The following TSNAX variants were observed in gnomAD, a reference collection of about 807,000 sequenced individuals.
TSNAX encodes translin-associated protein X.
In TSNAX, 12 loss-of-function variants were observed where a neutral mutation model predicts 33.0. The ratio of observed to expected loss-of-function variants is 0.36; its 90% CI spans 0.23 to 0.59. TSNAX has a LOEUF of 0.59. Ranked by LOEUF, TSNAX falls within the 20% of genes least tolerant of loss-of-function variation. The pLI is 0.74. For missense variants in TSNAX, 267 were observed against 341.3 expected (o/e 0.78, Z 1.72); for synonymous variants, 110 against 117.2 (o/e 0.94, Z 0.40).
chr1:231,548,075 C>T (rs181575786), intron 4 of TSNAX, among the ~76,000 whole-genome samples: 12 of 152,142 alleles, frequency 7.9e-5, no homozygotes, highest in African/African-American at 2.2e-4. Flanking sequence ...CTCCGTGATC[C>T]GCCCGCCTTG....
At position 231,564,663 on chromosome 1, in the gene TSNAX, A is replaced by G. The variant is rs1661317249; in HGVS notation, c.631A>G (p.Ile211Val). 1 of 1,614,136 alleles carries G rather than the reference A, an allele frequency of 6.2e-7. No individual in the cohort carries two copies. The highest frequency in any genetic ancestry group is 8.5e-7 in the Non-Finnish European group (1 of 1,180,030). The change falls in exon 6 of 6, where the codon ATT (isoleucine) becomes GTT (valine). Residue 211 changes from isoleucine to valine, a missense_variant. Coordinates refer to ENST00000366639, the MANE Select transcript of TSNAX (RefSeq NM_005999.3). Reference protein sequence around the residue: ...MCINSVGNGDIDTPFEVSQFL... With the variant: ...MCINSVGNGDVDTPFEVSQFL... ...TATTAACAGTGTGGGGAATGGGGAC[A>G]TTGATACCCCCTTTGAAGTGAGCCA... is the stretch of plus-strand genomic sequence containing the variant.
At position 231,529,264 on chromosome 1, in the gene TSNAX, G is replaced by T; in HGVS notation, c.26G>T (p.Gly9Val). The stretch of plus-strand genomic sequence containing the variant: ...TTCTTCTCTATATAAGGATCAGGAG[G>T]GTTCAGGAAAAGGAAGCATGACAAT... MSNKEGSG[G>V]FRKRKHDNFP... Residue 9 changes from glycine (G) to valine (V), a missense_variant, in exon 2 of 6, where the codon GGG becomes GTG. Transcript: ENST00000366639. The T allele has an allele frequency of 6.2e-7, 1 of 1,614,000 alleles. No homozygotes were observed. The highest frequency in any genetic ancestry group is 8.5e-7 in the Non-Finnish European group (1 of 1,179,992).
Position 231,565,020 on chromosome 1 carries a change from G to A in TSNAX, c.*115G>A. ...TGGCTTTTACATAGAAACATATTCA[G>A]TTGTACTTGTTTTAAATTGTATACA... On this transcript the variant is annotated 3_prime_UTR_variant, in exon 6 of 6. Coordinates refer to ENST00000366639, the MANE Select transcript of TSNAX (RefSeq NM_005999.3). The A allele has an allele frequency of 8.0e-7, 1 of 1,252,946 alleles. No homozygotes were observed. Among genetic ancestry groups the A allele is most frequent in the Non-Finnish European group, 1.1e-6 (1 of 919,616 alleles). The allele number at this position is 1,252,946 out of a possible 1,614,324, so 77.6% of individuals were successfully genotyped here.
intron 3 of TSNAX, among the ~76,000 whole-genome samples, chr1:231,537,703 C>T (rs555491889): frequency 6.7e-5 from 10 of 149,322 alleles, no homozygotes; most frequent in South Asian, 2.1e-4. Context: ...ATCCCACCAC[C>T]GCACTCTAGC....
intron 5 of TSNAX, among the ~76,000 whole-genome samples, chr1:231,563,046 T>A (rs970161713): frequency 6.6e-6 from 1 of 152,200 alleles, no homozygotes; most frequent in Admixed American, 6.5e-5. Flanking sequence ...GATTCAAGTA[T>A]TAGATACATA....
In TSNAX at chr1:231,560,403, T is replaced by C. The variant is rs1398778196; in HGVS notation, c.368-725T>C. 3.5e-4 allele frequency among the ~76,000 whole-genome samples: 35 copies of C among 99,306 alleles called. 1 individual carries two copies. The highest frequency in any genetic ancestry group is 1.5e-3 in the African/African-American group (35 of 23,444). 65.1% of individuals were successfully genotyped at this position (99,306 alleles called of 152,430 possible). On this transcript the variant is annotated intron_variant, in intron 4 of 5. Transcript: ENST00000366639. ...CAAAATTATGGAATAGGCTTTTCTTTTCTCCCCCCCCCCCCTTTTTTTTTT... is the reference window on the plus strand; with the variant it reads ...CAAAATTATGGAATAGGCTTTTCTTCTCTCCCCCCCCCCCCTTTTTTTTTT...
At chr1:231,537,538 C>G (rs865922868) in intron 3 of TSNAX, among the ~76,000 whole-genome samples, 1 of 151,874 alleles carries the variant, frequency 6.6e-6, no homozygotes, top group South Asian at 2.1e-4. Context: ...CTCAGGAGGT[C>G]GAGACCAGCC....
intron 3 of TSNAX, among the ~76,000 whole-genome samples, chr1:231,539,370 G>A (rs1210258610): frequency 3.3e-5 from 5 of 152,176 alleles, no homozygotes; most frequent in Non-Finnish European, 4.4e-5. Context: ...TGCAGATAAT[G>A]TATGGGTTGA....
chr1:231,540,305 T>C (rs1401067788), intron 3 of TSNAX, among the ~76,000 whole-genome samples: 1 of 152,206 alleles, frequency 6.6e-6, no homozygotes, highest in Non-Finnish European at 1.5e-5. Context: ...ATAACTCTTC[T>C]TCAGTGAGCT....
intron 4 of TSNAX, among the ~76,000 whole-genome samples, chr1:231,558,609 T>G (rs886926990): frequency 2.0e-5 from 3 of 152,116 alleles, no homozygotes; most frequent in Non-Finnish European, 4.4e-5. Flanking sequence ...CTAACCACAT[T>G]AGAGCATGGA....
chr1:231,561,076 T>C, intron 4 of TSNAX, 52 bp from the exon 5 acceptor site: 5 of 1,564,524 alleles, frequency 3.2e-6, no homozygotes, highest in Non-Finnish European at 4.3e-6. Context: ...TATTATGACA[T>C]TCTTACTAAT....
intron 2 of TSNAX, among the ~76,000 whole-genome samples, chr1:231,532,455 A>G (rs1035620320): frequency 9.2e-5 from 14 of 152,078 alleles, no homozygotes; most frequent in Non-Finnish European, 1.9e-4. Context: ...GGCCTCCCAA[A>G]GTGCTGGGGT....
chr1:231,562,729 A>C (rs1390637810), intron 5 of TSNAX, among the ~76,000 whole-genome samples: 1 of 152,226 alleles, frequency 6.6e-6, no homozygotes, highest in Non-Finnish European at 1.5e-5. Context: ...GACTATGTTC[A>C]TAAATAAGTT....
At chr1:231,558,661 G>A (rs1660844536) in intron 4 of TSNAX, among the ~76,000 whole-genome samples, 1 of 152,066 alleles carries the variant, frequency 6.6e-6, no homozygotes, top group South Asian at 2.1e-4. Context: ...TTGCTTTTGT[G>A]TGCATGAAGT....
intron 3 of TSNAX, among the ~76,000 whole-genome samples, chr1:231,541,643 T>C (rs1170546507): frequency 2.6e-5 from 4 of 152,220 alleles, no homozygotes; most frequent in South Asian, 2.1e-4. Flanking sequence ...TTCCTTTGTG[T>C]ATAGATTCAG....
At chr1:231,544,998 T>C (rs1182957302) in intron 4 of TSNAX, among the ~76,000 whole-genome samples, 1 of 152,202 alleles carries the variant, frequency 6.6e-6, no homozygotes. Context: ...TGGATTAAAA[T>C]AATGAAGGAT....
intron 4 of TSNAX, among the ~76,000 whole-genome samples, chr1:231,556,371 G>A (rs1469280197): frequency 2.6e-5 from 4 of 152,034 alleles, no homozygotes; most frequent in African/African-American, 9.7e-5. Context: ...GAAAAAAAAA[G>A]TACTTGAATG....
intron 4 of TSNAX, among the ~76,000 whole-genome samples, chr1:231,559,452 C>T (rs888479139): frequency 6.6e-6 from 1 of 152,090 alleles, no homozygotes; most frequent in African/African-American, 2.4e-5. Flanking sequence ...CCTCAGCCTC[C>T]AAAGTAGCTG....
At chr1:231,553,994 C>G (rs1660523707) in intron 4 of TSNAX, among the ~76,000 whole-genome samples, 1 of 152,164 alleles carries the variant, frequency 6.6e-6, no homozygotes, top group Non-Finnish European at 1.5e-5. Flanking sequence ...CCCATGAAAT[C>G]TAATTTCTAT....
Sources: allele counts gnomAD v4.1 joint callset (sites outside exome capture counted in the v4.1 genomes callset), GRCh38; gene constraint gnomAD v4.1.1; transcripts MANE v1.5; gene names NCBI Gene and HGNC (gene_info 2026-07-23, HGNC 2026-07-21).